LIMCH1: variants seen among roughly 807,000 people sequenced by gnomAD.
LIMCH1 encodes the protein LIM and calponin homology domains-containing protein 1.
LIMCH1 carries 113 observed loss-of-function variants against 176.5 expected under a neutral mutation model. The ratio of observed to expected loss-of-function variants is 0.64; its 90% CI spans 0.55 to 0.75. The LOEUF is 0.75. LIMCH1 is among the 30% of genes least tolerant of loss of function. LIMCH1 has a pLI of 0.00. For missense variants in LIMCH1, 1,674 were observed against 1,814.9 expected (o/e 0.92, Z 1.41); for synonymous variants, 619 against 645.9 (o/e 0.96, Z 0.63).
chr4:41,626,812 GT>G lies in LIMCH1; in HGVS notation c.831del (p.Glu278LysfsTer21). The G allele has an allele frequency of 6.5e-7, 1 of 1,536,290 alleles. No individual in the cohort carries two copies. Among genetic ancestry groups the G allele is most frequent in the Non-Finnish European group, 8.7e-7 (1 of 1,146,916 alleles). ...HQHGNDSEAE[G>X]EVVCRLPDLE... is the part of the protein sequence containing the mutation. ...CATGGCAACGATTCAGAGGCAGAAG[GT>G]GAAGTTGTGTGTCGACTGCCTGATC... On this transcript the variant is annotated frameshift_variant, in exon 8 of 32. Coordinates refer to ENST00000503057, the MANE Select transcript of LIMCH1 (RefSeq NM_001330672.2). LOFTEE classifies it high-confidence loss of function.
intron 2 of LIMCH1, among the ~76,000 whole-genome samples, chr4:41,523,101 A>T (rs2076283885): frequency 6.6e-6 from 1 of 152,158 alleles, no homozygotes; most frequent in Admixed American, 6.5e-5. Flanking sequence ...TCAACATATG[A>T]ATATATGGTG....
chr4:41,577,562 C>T (rs895637631), intron 1 of LIMCH1, among the ~76,000 whole-genome samples: 6 of 151,980 alleles, frequency 3.9e-5, no homozygotes, highest in African/African-American at 9.7e-5. Context: ...CCTGAATAAC[C>T]GAGACTACAG....
At chr4:41,657,721 C>A (rs991186376) in intron 18 of LIMCH1, among the ~76,000 whole-genome samples, 1 of 152,086 alleles carries the variant, frequency 6.6e-6, no homozygotes, top group Non-Finnish European at 1.5e-5. Context: ...TGAGAGTATA[C>A]ATTCCATAAA....
chr4:41,605,864 A>G (rs372658201), intron 3 of LIMCH1, 30 bp from the exon 4 acceptor site: 38 of 1,428,054 alleles, frequency 2.7e-5, no homozygotes, highest in Non-Finnish European at 3.6e-5. Flanking sequence ...CTTGAGGGAA[A>G]AATCTGCTCT....
chr4:41,672,053 G>A (rs1229273989), intron 22 of LIMCH1, among the ~76,000 whole-genome samples: 1 of 152,070 alleles, frequency 6.6e-6, no homozygotes, highest in Non-Finnish European at 1.5e-5. Flanking sequence ...TGATAAGAAA[G>A]CAAAATCTAA....
chr4:41,662,360 C>T (rs982434761), intron 19 of LIMCH1, among the ~76,000 whole-genome samples: 3 of 152,078 alleles, frequency 2.0e-5, no homozygotes, highest in Admixed American at 2.0e-4. Context: ...ACATATACCC[C>T]ACAATCCGTA....
intron 17 of LIMCH1, among the ~76,000 whole-genome samples, chr4:41,647,865 T>C (rs954232287): frequency 7.2e-5 from 11 of 152,356 alleles, no homozygotes; most frequent in African/African-American, 2.4e-4. Context: ...GTCCAGACTG[T>C]CTCATCTGGA....
At chr4:41,577,912 T>C (rs576930752) in intron 1 of LIMCH1, among the ~76,000 whole-genome samples, 26 of 152,318 alleles carry the variant, frequency 1.7e-4, no homozygotes, top group African/African-American at 6.0e-4. Flanking sequence ...TGTTGAACAT[T>C]CATGTTGTTC....
chr4:41,451,429 A>G (rs1482683102), intron 1 of LIMCH1, among the ~76,000 whole-genome samples: 1 of 152,102 alleles, frequency 6.6e-6, no homozygotes, highest in Non-Finnish European at 1.5e-5. Context: ...CCCGGCCCGA[A>G]AGGGTAATTA....
intron 1 of LIMCH1, among the ~76,000 whole-genome samples, chr4:41,401,215 G>C (rs1482112398): frequency 6.6e-6 from 1 of 152,186 alleles, no homozygotes; most frequent in East Asian, 1.9e-4. Flanking sequence ...TGTATAAAGT[G>C]TAAGGAAGGG....
At chr4:41,620,085 A>G (rs1030173540) in intron 6 of LIMCH1, 2 of 228,902 alleles carry the variant, frequency 8.7e-6, no homozygotes, top group African/African-American at 4.6e-5. Context: ...AATAAAATAA[A>G]CTTGTCTAAT....
intron 1 of LIMCH1, among the ~76,000 whole-genome samples, chr4:41,539,678 A>G (rs1442377181): frequency 6.6e-6 from 1 of 152,232 alleles, no homozygotes; most frequent in Non-Finnish European, 1.5e-5. Flanking sequence ...AGGCTGATAC[A>G]TAGTCCTAGC....
chr4:41,574,326 C>A (rs918761501), intron 1 of LIMCH1, among the ~76,000 whole-genome samples: 11 of 135,780 alleles, frequency 8.1e-5, no homozygotes, highest in Non-Finnish European at 3.1e-5. Context: ...CAGAACCTTG[C>A]TGTGTCGACC....
At chr4:41,573,379 A>T (rs1188391135) in intron 1 of LIMCH1, among the ~76,000 whole-genome samples, 2 of 152,242 alleles carry the variant, frequency 1.3e-5, no homozygotes, top group Non-Finnish European at 2.9e-5. Context: ...AATCATGCAT[A>T]GCAGTCCACT....
chr4:41,630,756 TTCC>T (rs2093274688), intron 9 of LIMCH1, among the ~76,000 whole-genome samples: 1 of 152,196 alleles, frequency 6.6e-6, no homozygotes, highest in Admixed American at 6.5e-5. Flanking sequence ...GAGGCTCAAG[TTCC>T]TTATATGAAA....
chr4:41,556,789 C>T (rs1467874215), intron 1 of LIMCH1, among the ~76,000 whole-genome samples: 2 of 152,036 alleles, frequency 1.3e-5, no homozygotes, highest in African/African-American at 2.4e-5. Context: ...GGGAAATTAC[C>T]CTTTGAACCA....
In LIMCH1 at chr4:41,360,939, A is replaced by G. The variant is rs764619857; in HGVS notation, c.96+3A>G. 6.4e-7 allele frequency: 1 copy of G among 1,570,208 alleles called. No individual in the cohort carries two copies. ...CCGAGGCGCAGAAGTGGATTGAGGT[A>G]GGTGCGGGTGGCTGGCGGGCGGCCT... is the stretch of plus-strand genomic sequence containing the variant. On this transcript the variant is annotated splice_donor_region_variant and intron_variant, in intron 1 of 26. Transcript: ENST00000313860. The surrounding 1 kb of genome is among the most constrained non-coding windows in gnomAD (Gnocchi z 4.5).
intron 17 of LIMCH1, among the ~76,000 whole-genome samples, chr4:41,647,528 C>G (rs1368198112): frequency 2.0e-5 from 3 of 152,206 alleles, no homozygotes; most frequent in African/African-American, 4.8e-5. Context: ...GGAAACCAAA[C>G]ATCTTTTCGC....
intron 1 of LIMCH1, among the ~76,000 whole-genome samples, chr4:41,446,979 T>G (rs930805357): frequency 2.0e-5 from 3 of 152,174 alleles, no homozygotes; most frequent in Admixed American, 6.5e-5. Context: ...CTGTAACTCC[T>G]GCACTTTGGG....
Sources: gnomAD v4.1 joint callset for allele counts (sites outside exome capture counted in the v4.1 genomes callset) on GRCh38, gnomAD v4.1.1 for gene constraint, Gnocchi (gnomAD v3.1) non-coding constraint, MANE v1.5 for transcripts, NCBI Gene and HGNC (gene_info 2026-07-23, HGNC 2026-07-21) for gene names.